COL19A1: variants seen among roughly 807,000 people sequenced by gnomAD.
The protein encoded by COL19A1 is collagen alpha-1(XIX) chain.
Under a neutral mutation model 190.2 loss-of-function variants are expected in COL19A1, and 159 were observed. The ratio of observed to expected loss-of-function variants is 0.84; its 90% confidence interval spans 0.73 to 0.95. The LOEUF is 0.95. Ranked by LOEUF, COL19A1 falls within the 40% of genes least tolerant of loss-of-function variation. The probability of loss-of-function intolerance (pLI) is 0.00; values close to 1 mark genes in which losing one functional copy is unlikely to be tolerated. For synonymous variants in COL19A1, 509 were observed against 458.9 expected, an observed-to-expected ratio of 1.11 and a Z score of -1.39; for missense variants, 1,418 against 1,431.9, an observed-to-expected ratio of 0.99 and a Z score of 0.16.
Position 69,873,303 on chromosome 6 carries a change from G to A in COL19A1, c.-32-6233G>A, listed in dbSNP as rs922953859. ...CCCGCAGCATCTAACAGACCCTGTCGTTGGGTCCATCTTCCCAGGGAAAGA... is the reference window on the plus strand; with the variant it reads ...CCCGCAGCATCTAACAGACCCTGTCATTGGGTCCATCTTCCCAGGGAAAGA... On this transcript the variant is annotated intron_variant, in intron 1 of 50. Coordinates refer to ENST00000620364, the MANE Select transcript of COL19A1 (RefSeq NM_001858.6). Among the ~76,000 whole-genome samples, 8 of 151,998 alleles carry A rather than the reference G, an allele frequency of 5.3e-5. No individual in the cohort carries two copies. In the East Asian group the frequency reaches 5.8e-4, roughly 11 times the overall value.
chr6:70,188,677 A>G (rs9364077), intron 47 of COL19A1, among the ~76,000 whole-genome samples: 55,727 of 142,808 alleles, frequency 0.39, 10,360 homozygotes, highest in Middle Eastern at 0.5. Flanking sequence ...TTCATACTCT[A>G]TTTTGTTGAA....
intron 9 of COL19A1, among the ~76,000 whole-genome samples, chr6:69,947,738 G>A (rs1046533375): frequency 4.0e-5 from 6 of 151,782 alleles, no homozygotes; most frequent in African/African-American, 1.4e-4. Flanking sequence ...TTTTCAGACA[G>A]ATATTTTTTC....
At chr6:69,936,335 T>A (rs867572120) in intron 7 of COL19A1, among the ~76,000 whole-genome samples, 1 of 152,152 alleles carries the variant, frequency 6.6e-6, no homozygotes, top group South Asian at 2.1e-4. Flanking sequence ...AAAGAATTTA[T>A]TTTCTACTTT....
chr6:70,121,882 A>C lies in COL19A1; in HGVS notation c.1281A>C (p.Gly427=). Residue 427 remains glycine, a splice_region_variant and synonymous_variant, in exon 17 of 51, where the codon GGA becomes GGC. Transcript: ENST00000620364. ...PGKPGPPGPP[G]PPGIQGIHQT... ...TCTTTGATTTGTTTATAATACAGGG[A>C]CCTCCTGGAATACAAGGAATACACC... 1 of 1,573,246 alleles carries C rather than the reference A, an allele frequency of 6.4e-7. No homozygotes were observed. Among genetic ancestry groups the C allele is most frequent in the South Asian group, 1.2e-5 (1 of 83,776 alleles).
intron 16 of COL19A1, among the ~76,000 whole-genome samples, chr6:70,104,313 G>T (rs1356709428): frequency 1.3e-5 from 2 of 152,154 alleles, no homozygotes; most frequent in African/African-American, 2.4e-5. Context: ...AGGCATGACT[G>T]GGAAGGTCTC....
chr6:70,058,665 T>C (rs562815007), intron 14 of COL19A1, among the ~76,000 whole-genome samples: 1 of 150,118 alleles, frequency 6.7e-6, no homozygotes, highest in African/African-American at 2.5e-5. Flanking sequence ...CTTATGATAA[T>C]TGGATAAAAT....
intron 47 of COL19A1, 121 bp downstream of exon 47, chr6:70,188,366 G>T: frequency 1.7e-6 from 2 of 1,161,000 alleles, no homozygotes; most frequent in Non-Finnish European, 2.3e-6. Context: ...GTCCCCGTGA[G>T]GGCAATAATA....
At chr6:70,144,058 C>G (rs1446947094) in intron 23 of COL19A1, 152 bp from the exon 24 acceptor site, 1 of 561,484 alleles carries the variant, frequency 1.8e-6, no homozygotes, top group Non-Finnish European at 3.0e-6. Context: ...TAATATTTTT[C>G]CAGGTCTTAA....
intron 14 of COL19A1, among the ~76,000 whole-genome samples, chr6:70,054,380 A>G (rs1046235355): frequency 6.6e-6 from 1 of 152,166 alleles, no homozygotes; most frequent in African/African-American, 2.4e-5. Flanking sequence ...GATATTTCAC[A>G]TGATATGAAT....
intron 49 of COL19A1, among the ~76,000 whole-genome samples, chr6:70,202,499 A>G (rs905818240): frequency 6.6e-6 from 1 of 152,218 alleles, no homozygotes. Context: ...AACTAAATTA[A>G]TCTGAAATGT....
intron 11 of COL19A1, among the ~76,000 whole-genome samples, chr6:69,989,761 G>A (rs1202365154): frequency 1.3e-5 from 2 of 151,960 alleles, no homozygotes. Flanking sequence ...AATGGTCTAG[G>A]TTCAAACCCT....
At chr6:69,889,009 T>A (rs999723151) in intron 2 of COL19A1, among the ~76,000 whole-genome samples, 1 of 152,194 alleles carries the variant, frequency 6.6e-6, no homozygotes, top group Non-Finnish European at 1.5e-5. Context: ...TTTATTTTTT[T>A]AAGAAGCCTT....
intron 42 of COL19A1, among the ~76,000 whole-genome samples, chr6:70,177,475 C>A (rs1315876824): frequency 2.0e-5 from 3 of 152,160 alleles, no homozygotes; most frequent in Non-Finnish European, 4.4e-5. Flanking sequence ...CCATTAACTT[C>A]TAACAACACA....
chr6:70,035,799 C>A (rs1048180001), intron 13 of COL19A1, 105 bp from the exon 14 acceptor site: 2 of 864,098 alleles, frequency 2.3e-6, no homozygotes, highest in Admixed American at 5.0e-5. Context: ...TTTTTCTATT[C>A]TTCAAGATTT....
intron 49 of COL19A1, among the ~76,000 whole-genome samples, chr6:70,200,802 A>G (rs1193824168): frequency 6.6e-6 from 1 of 152,214 alleles, no homozygotes; most frequent in Non-Finnish European, 1.5e-5. Context: ...TAGTATATAT[A>G]TCTTAATATA....
chr6:70,187,332 A>ACACACACGAACATG (rs1766591932), intron 46 of COL19A1, among the ~76,000 whole-genome samples: 1 of 144,756 alleles, frequency 6.9e-6, no homozygotes, highest in South Asian at 2.3e-4. Context: ...CTCAACGTGC[A>ACACACACGAACATG]CACACACATG....
rs549800134 is a variant in COL19A1 at position 70,210,292 on chromosome 6, T to A, written c.*3018T>A. On this transcript the variant is annotated 3_prime_UTR_variant, in exon 51 of 51. Transcript: ENST00000620364. Reference sequence around the variant, plus strand: ...GATTAAAGTATGACTTCAATTCATATTTATGGCCTTTGGAATCCAAAGAAA... The same window carrying A: ...GATTAAAGTATGACTTCAATTCATAATTATGGCCTTTGGAATCCAAAGAAA... Among the ~76,000 whole-genome samples the A allele has an allele frequency of 2.0e-5, 3 of 152,198 alleles. No individual in the cohort carries two copies. Among genetic ancestry groups the A allele is most frequent in the Non-Finnish European group, 4.4e-5 (3 of 68,006 alleles).
intron 48 of COL19A1, among the ~76,000 whole-genome samples, chr6:70,191,503 G>C (rs1766871535): frequency 6.6e-6 from 1 of 152,120 alleles, no homozygotes; most frequent in South Asian, 2.1e-4. Context: ...TAGAAATGTT[G>C]ACTAAAAAAG....
chr6:70,005,600 G>T (rs1429636448), intron 11 of COL19A1, among the ~76,000 whole-genome samples: 1 of 152,158 alleles, frequency 6.6e-6, no homozygotes, highest in African/African-American at 2.4e-5. Context: ...TGTATAGGGT[G>T]TCTAACAACC....
Sources: gnomAD v4.1 joint callset for allele counts (sites outside exome capture counted in the v4.1 genomes callset) on GRCh38, gnomAD v4.1.1 for gene constraint, MANE v1.5 for transcripts, NCBI Gene and HGNC (gene_info 2026-07-23, HGNC 2026-07-21) for gene names.